The following KDM4B variants were observed in gnomAD, a reference collection of about 807,000 sequenced individuals.
KDM4B encodes the protein lysine demethylase 4B.
In KDM4B, 32 loss-of-function variants were observed where a neutral mutation model predicts 125.2. The observed-to-expected ratio is 0.26, with a 90% CI of 0.19 to 0.34. KDM4B has a LOEUF of 0.34. Among genes scored for constraint, KDM4B ranks in the 10% least tolerant of loss-of-function variants. The probability of loss-of-function intolerance (pLI) is 1.00; values close to 1 mark genes in which losing one functional copy is unlikely to be tolerated. For synonymous variants in KDM4B, 721 were observed against 677.9 expected (o/e 1.06, Z -0.99); for missense variants, 1,190 against 1,577.7 (o/e 0.75, Z 4.16).
intron 7 of KDM4B, among the ~76,000 whole-genome samples, 161 bp downstream of exon 7, chr19:5,071,220 T>C (rs1278083436): frequency 6.6e-6 from 1 of 152,220 alleles, no homozygotes; most frequent in Admixed American, 6.5e-5. Context: ...TTTTTTCCAT[T>C]TCCTCCCACC....
intron 20 of KDM4B, 61 bp from the exon 21 acceptor site, chr19:5,144,722 C>T: frequency 1.9e-6 from 3 of 1,602,108 alleles, no homozygotes; most frequent in Non-Finnish European, 2.6e-6. Context: ...GGTCTAAAAC[C>T]CAGCGACAGC....
chr19:5,021,819 A>G (rs2145565058), intron 2 of KDM4B, among the ~76,000 whole-genome samples: 1 of 152,084 alleles, frequency 6.6e-6, no homozygotes, highest in East Asian at 1.9e-4. Flanking sequence ...TTTTTTTAGT[A>G]GAGACAGGGT....
chr19:5,077,181 A>T, intron 7 of KDM4B, 186 bp from the exon 8 acceptor site: 1 of 623,566 alleles, frequency 1.6e-6, no homozygotes. Flanking sequence ...GCTCCTGCGC[A>T]TCTCCTTCCC....
intron 18 of KDM4B, chr19:5,138,362 T>G (rs971697951): frequency 2.4e-6 from 1 of 422,202 alleles, no homozygotes; most frequent in African/African-American, 2.0e-5. Context: ...GAGCACCCCA[T>G]GCAGTTTCCA....
chr19:5,151,199 C>A, intron 22 of KDM4B, 136 bp from the exon 23 acceptor site: 1 of 736,472 alleles, frequency 1.4e-6, no homozygotes, highest in Non-Finnish European at 1.9e-6. Flanking sequence ...AACACGAAAA[C>A]AGGAGCCTGC....
In KDM4B at chr19:5,056,876, GGGGACGCTGGGGCGGGGAGTC is replaced by G. The variant is rs1568263809; in HGVS notation, c.626+9208_626+9228del. ...ACCCTGGGGCGGGGAGTCCTGGGGC[GGGGACGCTGGGGCGGGGAGTC>G]CTGGGGCGGGGAGTCCTGGGGTGTC... On this transcript the variant is annotated intron_variant, in intron 6 of 22. Coordinates refer to ENST00000159111, the MANE Select transcript of KDM4B (RefSeq NM_015015.3). 1.5e-3 allele frequency among the ~76,000 whole-genome samples: 220 copies of G among 150,368 alleles called. 2 individuals carry two copies. The East Asian group carries it at 0.04, about 27-fold the overall frequency.
chr19:5,046,623 G>A (rs1213181585), intron 5 of KDM4B, among the ~76,000 whole-genome samples: 4 of 152,194 alleles, frequency 2.6e-5, no homozygotes, highest in African/African-American at 4.8e-5. Flanking sequence ...ATGAGCTCTT[G>A]GGACAGGACG....
intron 1 of KDM4B, among the ~76,000 whole-genome samples, chr19:5,003,546 C>G (rs1246348606): frequency 6.6e-6 from 1 of 151,928 alleles, no homozygotes; most frequent in Non-Finnish European, 1.5e-5. Flanking sequence ...CAGTGGCTCA[C>G]ACCTGTAATC....
Position 5,025,303 on chromosome 19 carries a change from C to T in KDM4B, c.-25-7563C>T, listed in dbSNP as rs112715058. On this transcript the variant is annotated intron_variant, in intron 2 of 22. Transcript: ENST00000159111. ...TGCCCTGGTCTCCCAGCTTCCTCTG[C>T]GGTGCCCCAGCCAGGAGCAGCTGTA... Among the ~76,000 whole-genome samples, 25 of 152,336 alleles carry T rather than the reference C, an allele frequency of 1.6e-4. 2 individuals are homozygous for T. The highest frequency in any genetic ancestry group is 6.0e-4 in the African/African-American group (25 of 41,580).
intron 2 of KDM4B, among the ~76,000 whole-genome samples, chr19:5,026,924 T>C (rs114505026): frequency 0.012 from 1,860 of 152,286 alleles, 51 homozygotes; most frequent in African/African-American, 0.042. Context: ...TCTACAAGGA[T>C]GGGGCAGGGC....
intron 6 of KDM4B, among the ~76,000 whole-genome samples, chr19:5,061,701 C>CA (rs1222553690): frequency 6.6e-6 from 1 of 151,434 alleles, no homozygotes; most frequent in Admixed American, 6.6e-5. Context: ...TCCATCTCTA[C>CA]AAAAAAAGAA....
intron 9 of KDM4B, among the ~76,000 whole-genome samples, chr19:5,107,195 G>A (rs191396147): frequency 9.2e-5 from 14 of 152,348 alleles, no homozygotes; most frequent in African/African-American, 3.1e-4. Context: ...CGGTTCTAGC[G>A]GCCATGTGTA....
chr19:4,993,131 C>A (rs376213982), intron 1 of KDM4B, among the ~76,000 whole-genome samples: 1 of 152,138 alleles, frequency 6.6e-6, no homozygotes, highest in Admixed American at 6.5e-5. Context: ...GGGTATGAGC[C>A]GGGCATGGGG....
At chr19:5,113,956 G>T in intron 10 of KDM4B, 1 of 1,227,812 alleles carries the variant, frequency 8.1e-7, no homozygotes, top group Non-Finnish European at 1.0e-6. Flanking sequence ...CTCCCTGCTC[G>T]CCACCTTACA....
intron 9 of KDM4B, among the ~76,000 whole-genome samples, chr19:5,089,186 C>A (rs1025204018): frequency 1.3e-5 from 2 of 152,228 alleles, no homozygotes; most frequent in Non-Finnish European, 2.9e-5. Flanking sequence ...GCACACGAAT[C>A]TCACTGAAAC....
chr19:5,024,270 GC>G (rs2036213427), intron 2 of KDM4B, among the ~76,000 whole-genome samples: 4 of 152,114 alleles, frequency 2.6e-5, no homozygotes, highest in Admixed American at 2.6e-4. Flanking sequence ...CAGGATGCCG[GC>G]CCAGCCCCAG....
intron 5 of KDM4B, among the ~76,000 whole-genome samples, chr19:5,046,640 G>A (rs992896157): frequency 6.6e-6 from 1 of 152,180 alleles, no homozygotes; most frequent in Non-Finnish European, 1.5e-5. Flanking sequence ...GACGGGGTTT[G>A]TTTGCTTGTG....
In KDM4B at chr19:4,971,985, G is replaced by T. The variant is rs183568464; in HGVS notation, c.-109+2755G>T. Among the ~76,000 whole-genome samples the T allele has an allele frequency of 2.1e-3, 326 of 152,246 alleles. No individual in the cohort carries two copies. The highest frequency in any genetic ancestry group is 7.2e-3 in the African/African-American group (300 of 41,542). ...GCTCCGCAGGCCTGCACTGGTCACC[G>T]CCATGACAGATCGGCCGTCCTCATC... On this transcript the variant is annotated intron_variant, in intron 1 of 22. Coordinates refer to ENST00000159111, the MANE Select transcript of KDM4B (RefSeq NM_015015.3). The surrounding 1 kb of genome is among the most constrained non-coding windows in gnomAD (Gnocchi z 4.1).
intron 9 of KDM4B, among the ~76,000 whole-genome samples, chr19:5,104,184 C>T (rs1258496443): frequency 2.0e-5 from 3 of 152,174 alleles, no homozygotes; most frequent in Non-Finnish European, 4.4e-5. Context: ...TGCCCCTCCA[C>T]CCCGGCAGCA....
Sources: gnomAD v4.1 joint callset for allele counts (sites outside exome capture counted in the v4.1 genomes callset) on GRCh38, gnomAD v4.1.1 for gene constraint, Gnocchi (gnomAD v3.1) non-coding constraint, MANE v1.5 for transcripts, NCBI Gene and HGNC (gene_info 2026-07-23, HGNC 2026-07-21) for gene names.